CEP112: variants seen among roughly 807,000 people sequenced by gnomAD.
CEP112 encodes the protein centrosomal protein 112.
Under a neutral mutation model 153.0 loss-of-function variants are expected in CEP112, and 127 were observed. That is an observed-to-expected ratio of 0.83 (90% CI 0.72 to 0.96). The LOEUF (loss-of-function observed/expected upper bound fraction) is 0.96, where lower values mean the gene tolerates loss of function less well. Ranked by LOEUF, CEP112 falls within the 40% of genes least tolerant of loss-of-function variation. The pLI is 0.00. For missense variants in CEP112, 1,089 were observed against 1,101.2 expected (o/e 0.99, Z 0.16); for synonymous variants, 358 against 374.4 (o/e 0.96, Z 0.51).
chr17:65,891,899 C>T (rs1329912604), intron 20 of CEP112, among the ~76,000 whole-genome samples: 1 of 152,180 alleles, frequency 6.6e-6, no homozygotes, highest in Non-Finnish European at 1.5e-5. Flanking sequence ...GATATCTTTT[C>T]TTTGGAGAGG....
At chr17:65,675,608 C>T (rs1194825669) in intron 24 of CEP112, among the ~76,000 whole-genome samples, 3 of 150,746 alleles carry the variant, frequency 2.0e-5, no homozygotes, top group Non-Finnish European at 4.4e-5. Context: ...ACTTTAACAC[C>T]AACATCCGAT....
intron 6 of CEP112, among the ~76,000 whole-genome samples, chr17:66,115,947 A>G (rs568451531): frequency 2.6e-4 from 40 of 152,268 alleles, no homozygotes; most frequent in African/African-American, 9.1e-4. Flanking sequence ...GCTGCCCTCA[A>G]TAAGCCCCGA....
In CEP112 at chr17:65,851,935, G is replaced by A. The variant is rs750214916; in HGVS notation, c.2263C>T (p.Arg755Cys). The A allele has an allele frequency of 1.9e-5, 30 of 1,613,776 alleles. No homozygotes were observed. Among genetic ancestry groups the A allele is most frequent in the Non-Finnish European group, 2.2e-5 (26 of 1,179,966 alleles). ...KQQLVELGLL[R>C]EEEKQRATRE... ...GTAGCCCTTTGCTTTTCCTCTTCAC[G>A]AAGAAGACCAAGCTCTACCAGCTGC... Residue 755 changes from arginine (R) to cysteine (C), a missense_variant, in exon 21 of 27, where the codon CGT (arginine) becomes TGT (cysteine). Arg to Cys is a radical substitution (Grantham distance 180). Coordinates refer to ENST00000535342, the MANE Select transcript of CEP112 (RefSeq NM_001199165.4).
At chr17:65,934,540 A>G (rs2061239653) in intron 18 of CEP112, among the ~76,000 whole-genome samples, 1 of 152,218 alleles carries the variant, frequency 6.6e-6, no homozygotes, top group African/African-American at 2.4e-5. Context: ...ATCCTTACCT[A>G]TCAATAATTA....
intron 12 of CEP112, among the ~76,000 whole-genome samples, chr17:66,050,152 G>T (rs1179024378): frequency 6.6e-6 from 1 of 152,136 alleles, no homozygotes; most frequent in African/African-American, 2.4e-5. Context: ...AAAACCAAGT[G>T]GGGTCACATT....
At chr17:65,659,501 G>A (rs749675917) in intron 24 of CEP112, among the ~76,000 whole-genome samples, 18 of 152,158 alleles carry the variant, frequency 1.2e-4, no homozygotes, top group Admixed American at 9.8e-4. Flanking sequence ...GGTGCACCCC[G>A]GATTTACTTA....
At chr17:66,098,742 C>G (rs2068445865) in intron 6 of CEP112, among the ~76,000 whole-genome samples, 1 of 152,154 alleles carries the variant, frequency 6.6e-6, no homozygotes, top group Non-Finnish European at 1.5e-5. Context: ...TCCAAAGACA[C>G]ATACAGATTG....
At chr17:65,731,635 C>T (rs1281404329) in intron 23 of CEP112, among the ~76,000 whole-genome samples, 1 of 152,180 alleles carries the variant, frequency 6.6e-6, no homozygotes, top group Non-Finnish European at 1.5e-5. Flanking sequence ...TTTGATTTAA[C>T]CACAGTAGAA....
chr17:65,789,596 T>G (rs991576203), intron 21 of CEP112, among the ~76,000 whole-genome samples: 1 of 152,130 alleles, frequency 6.6e-6, no homozygotes, highest in Admixed American at 6.6e-5. Flanking sequence ...TCCCTGAATA[T>G]GCTATTTCAC....
At chr17:66,150,902 C>T (rs1820113382) in intron 4 of CEP112, among the ~76,000 whole-genome samples, 1 of 152,192 alleles carries the variant, frequency 6.6e-6, no homozygotes, top group African/African-American at 2.4e-5. Context: ...ATAATCATTA[C>T]ATCATGCTTA....
At chr17:66,153,876 C>A (rs1397139313) in intron 4 of CEP112, among the ~76,000 whole-genome samples, 1 of 151,884 alleles carries the variant, frequency 6.6e-6, no homozygotes, top group Non-Finnish European at 1.5e-5. Context: ...ACAAATGGTG[C>A]CAAGGGCCGG....
chr17:65,945,933 C>T (rs1345175420), intron 18 of CEP112, among the ~76,000 whole-genome samples: 1 of 152,174 alleles, frequency 6.6e-6, no homozygotes, highest in African/African-American at 2.4e-5. Context: ...AGGCATGAGC[C>T]ACCATGCCCA....
At chr17:66,118,004 G>A (rs572551329) in intron 6 of CEP112, among the ~76,000 whole-genome samples, 1 of 152,258 alleles carries the variant, frequency 6.6e-6, no homozygotes, top group South Asian at 2.1e-4. Context: ...AAAATGACAG[G>A]CAATAAAGGA....
At chr17:65,934,687 T>C (rs931385644) in intron 18 of CEP112, among the ~76,000 whole-genome samples, 2 of 152,144 alleles carry the variant, frequency 1.3e-5, no homozygotes, top group Admixed American at 1.3e-4. Context: ...AGCGAAGGGA[T>C]AGAAAAGATA....
intron 23 of CEP112, among the ~76,000 whole-genome samples, chr17:65,694,412 C>G (rs1567874458): frequency 6.6e-6 from 1 of 152,164 alleles, no homozygotes; most frequent in Non-Finnish European, 1.5e-5. Flanking sequence ...ACTACGAAGT[C>G]AACCATATTT....
intron 8 of CEP112, among the ~76,000 whole-genome samples, chr17:66,075,880 G>A (rs1234509052): frequency 1.3e-5 from 2 of 152,178 alleles, no homozygotes; most frequent in Non-Finnish European, 2.9e-5. Context: ...AATACTGTGA[G>A]TTCCCAAACT....
intron 24 of CEP112, among the ~76,000 whole-genome samples, chr17:65,651,059 CAGTGTAT>C (rs542153994): frequency 5.8e-4 from 89 of 152,224 alleles, no homozygotes; most frequent in Admixed American, 1.0e-3. Flanking sequence ...ACACTGAACC[CAGTGTAT>C]AGTCTTTTAT....
At chr17:66,083,463 A>C (rs2067800635) in intron 8 of CEP112, among the ~76,000 whole-genome samples, 1 of 152,232 alleles carries the variant, frequency 6.6e-6, no homozygotes, top group Non-Finnish European at 1.5e-5. Context: ...ATAATCTGTA[A>C]AAAATTGGTA....
intron 21 of CEP112, among the ~76,000 whole-genome samples, chr17:65,817,541 T>C (rs920386855): frequency 5.3e-5 from 8 of 151,918 alleles, no homozygotes; most frequent in African/African-American, 1.7e-4. Context: ...CCAAAAATTG[T>C]CTTTCAAAAA....
Sources: allele counts gnomAD v4.1 joint callset (sites outside exome capture counted in the v4.1 genomes callset), GRCh38; gene constraint gnomAD v4.1.1; transcripts MANE v1.5; gene names NCBI Gene and HGNC (gene_info 2026-07-23, HGNC 2026-07-21).